The following MRTFB variants were observed in gnomAD, a reference collection of about 807,000 sequenced individuals.
The protein encoded by MRTFB is myocardin-related transcription factor B.
MRTFB carries 29 observed loss-of-function variants against 104.2 expected under a neutral mutation model. The ratio of observed to expected loss-of-function variants is 0.28; its 90% CI spans 0.21 to 0.38. The LOEUF is 0.38. MRTFB is among the 10% of genes least tolerant of loss of function. The pLI is 1.00. For missense variants in MRTFB, 1,270 were observed against 1,341.6 expected, an observed-to-expected ratio of 0.95 and a Z score of 0.83; for synonymous variants, 535 against 519.5, an observed-to-expected ratio of 1.03 and a Z score of -0.41.
chr16:14,063,339 G>A, the MRTFB span, among the ~76,000 whole-genome samples: 11 of 152,172 alleles, frequency 7.2e-5, 1 homozygote, highest in East Asian at 1.7e-3. Context: ...TATATATTAT[G>A]CCCAAATCAC....
intron 8 of MRTFB, among the ~76,000 whole-genome samples, chr16:14,222,148 A>G (rs2041753908): frequency 1.3e-5 from 2 of 152,124 alleles, no homozygotes; most frequent in African/African-American, 2.4e-5. Flanking sequence ...TCAAATTTCT[A>G]TATGACTTTC....
At chr16:14,176,274 T>C (rs1273754908) in intron 3 of MRTFB, among the ~76,000 whole-genome samples, 3 of 152,200 alleles carry the variant, frequency 2.0e-5, no homozygotes, top group South Asian at 2.1e-4. Flanking sequence ...GCTGAAACAC[T>C]GGAATAGATC....
chr16:14,250,026 A>T (rs923127728), intron 13 of MRTFB, among the ~76,000 whole-genome samples: 2 of 152,234 alleles, frequency 1.3e-5, no homozygotes, highest in Non-Finnish European at 2.9e-5. Flanking sequence ...TGTAATTAAA[A>T]GCTTAGTAAA....
chr16:14,002,728 G>A, the MRTFB span, among the ~76,000 whole-genome samples: 3 of 152,124 alleles, frequency 2.0e-5, no homozygotes, highest in Admixed American at 2.0e-4. Flanking sequence ...AAGAGAACAC[G>A]AAAGATTTCT....
intron 2 of MRTFB, among the ~76,000 whole-genome samples, chr16:14,139,604 A>G (rs544868661): frequency 1.3e-5 from 2 of 152,306 alleles, no homozygotes; most frequent in African/African-American, 2.4e-5. Flanking sequence ...GGTAAATACA[A>G]TCTTGGTATT....
At chr16:14,210,371 G>A (rs2041140563) in intron 4 of MRTFB, 63 bp downstream of exon 4, 4 of 1,264,340 alleles carry the variant, frequency 3.2e-6, no homozygotes, top group East Asian at 2.4e-5. Context: ...TGTCCAAGAA[G>A]AGCCTGCATC....
At chr16:14,118,972 T>G (rs954339409) in intron 2 of MRTFB, among the ~76,000 whole-genome samples, 1 of 152,156 alleles carries the variant, frequency 6.6e-6, no homozygotes, top group Non-Finnish European at 1.5e-5. Context: ...CACTACAGTT[T>G]ATCCATTCTT....
intron 2 of MRTFB, among the ~76,000 whole-genome samples, chr16:14,120,135 T>C (rs1003701236): frequency 1.3e-5 from 2 of 152,234 alleles, no homozygotes; most frequent in African/African-American, 4.8e-5. Flanking sequence ...TTCTTTTGTA[T>C]GTTCTTTTTC....
At chr16:14,217,780 T>C (rs1364707163) in intron 7 of MRTFB, among the ~76,000 whole-genome samples, 1 of 152,258 alleles carries the variant, frequency 6.6e-6, no homozygotes, top group Admixed American at 6.5e-5. Flanking sequence ...ACTAACTTTT[T>C]ATTTCTGTCT....
intron 3 of MRTFB, among the ~76,000 whole-genome samples, chr16:14,208,016 T>C (rs1171665092): frequency 6.6e-6 from 1 of 152,162 alleles, no homozygotes; most frequent in Non-Finnish European, 1.5e-5. Context: ...CAGTTGGGCA[T>C]CCAGAATTGG....
intron 3 of MRTFB, among the ~76,000 whole-genome samples, chr16:14,174,274 A>T (rs182828190): frequency 6.6e-6 from 1 of 152,178 alleles, no homozygotes; most frequent in South Asian, 2.1e-4. Context: ...AATTGTGTCT[A>T]TGTCACATTG....
chr16:14,046,900 C>T, the MRTFB span, among the ~76,000 whole-genome samples: 1 of 152,184 alleles, frequency 6.6e-6, no homozygotes, highest in Non-Finnish European at 1.5e-5. Flanking sequence ...ATATATAATA[C>T]ATATTGACTC....
intron 3 of MRTFB, among the ~76,000 whole-genome samples, chr16:14,171,737 T>G (rs915728514): frequency 3.9e-5 from 6 of 152,254 alleles, no homozygotes; most frequent in African/African-American, 1.4e-4. Flanking sequence ...AAAGTAGTTT[T>G]AGAATTGCTA....
the MRTFB span, among the ~76,000 whole-genome samples, chr16:14,023,198 G>A: frequency 2.6e-5 from 4 of 152,090 alleles, no homozygotes; most frequent in Non-Finnish European, 5.9e-5. Context: ...CAGCACTTTA[G>A]GAGGCCAAGG....
At chr16:14,133,864 A>G (rs1316166048) in intron 2 of MRTFB, among the ~76,000 whole-genome samples, 1 of 152,198 alleles carries the variant, frequency 6.6e-6, no homozygotes, top group Non-Finnish European at 1.5e-5. Flanking sequence ...TTCATTATGA[A>G]TACACTTAAA....
intron 3 of MRTFB, chr16:14,200,707 T>C: frequency 1.3e-6 from 2 of 1,530,362 alleles, no homozygotes; most frequent in Non-Finnish European, 1.8e-6. Context: ...AGAATGAAAC[T>C]GTGTCAGAGG....
intron 15 of MRTFB, among the ~76,000 whole-genome samples, chr16:14,256,801 T>C (rs960351885): frequency 1.8e-4 from 28 of 152,196 alleles, no homozygotes; most frequent in Admixed American, 1.3e-4. Context: ...ATTTATAATA[T>C]ATCAATAGGT....
chr16:14,177,756 G>A lies in MRTFB; in HGVS notation c.155-32487G>A, dbSNP rs1002566572. ...GAAGATTGCTTCAGCCCAGGAGGTC[G>A]AGGCTGCAGCGAGTAATAATTGCAC... On this transcript the variant is annotated intron_variant, in intron 3 of 16. Transcript: ENST00000571589. The surrounding 1 kb of genome is among the most constrained non-coding windows in gnomAD (Gnocchi z 4.7). Among the ~76,000 whole-genome samples the A allele has an allele frequency of 2.4e-4, 36 of 152,228 alleles. No homozygotes were observed. Among genetic ancestry groups the A allele is most frequent in the African/African-American group, 6.5e-4 (27 of 41,532 alleles).
In MRTFB at chr16:14,247,280, G is replaced by A. The variant is rs1051335189; in HGVS notation, c.2020G>A (p.Ala674Thr). The A allele has an allele frequency of 3.1e-6, 5 of 1,614,032 alleles. No homozygotes were observed. The African/African-American group carries it at 6.7e-5, about 22-fold the overall frequency. ...CTCTACAGGTGGCCAGACCCTTGTT[G>A]CCAAAAAGGCTGTAGTTATCAAGCA... Reference protein sequence around the residue: ...PVSTGGQTLVAKKAVVIKQEV... With the variant: ...PVSTGGQTLVTKKAVVIKQEV... Residue 674 changes from alanine to threonine, a missense_variant, in exon 12 of 17, where the codon GCC (alanine) becomes ACC (threonine). By Grantham distance (58) the Ala-to-Thr change is moderately conservative. This residue lies in a region of MRTFB where 1,144 missense variants were observed against 1,131.5 expected (regional missense o/e 1.01). Coordinates refer to ENST00000571589, the MANE Select transcript of MRTFB (RefSeq NM_001308142.2).
Sources: gnomAD v4.1 joint callset for allele counts (sites outside exome capture counted in the v4.1 genomes callset) on GRCh38, gnomAD v4.1.1 for gene constraint, gnomAD v4.1.1 regional missense constraint, Gnocchi (gnomAD v3.1) non-coding constraint, MANE v1.5 for transcripts, NCBI Gene and HGNC (gene_info 2026-07-23, HGNC 2026-07-21) for gene names.